ANKRD11: variants seen among roughly 807,000 people sequenced by gnomAD.
ANKRD11 encodes the protein ankyrin repeat domain-containing protein 11.
In ANKRD11, 17 loss-of-function variants were observed where a neutral mutation model predicts 195.7. The ratio of observed to expected loss-of-function variants is 0.09; its 90% CI spans 0.06 to 0.13. The LOEUF is 0.13. ANKRD11 is among the 10% of genes least tolerant of loss of function. ANKRD11 has a pLI of 1.00. For missense variants in ANKRD11, 3,735 were observed against 3,566.1 expected (o/e 1.05, Z -1.21); for synonymous variants, 1,953 against 1,528.1 (o/e 1.28, Z -6.49).
chr16:89,487,953 G>GATGA (rs148039853), intron 1 of ANKRD11, among the ~76,000 whole-genome samples: 2 of 102,570 alleles, frequency 1.9e-5, no homozygotes, highest in Non-Finnish European at 4.3e-5. Flanking sequence ...GGGAGGGTGT[G>GATGA]ATGGCACTGC....
chr16:89,311,763 G>C (rs946214743), intron 3 of ANKRD11, among the ~76,000 whole-genome samples: 1 of 152,200 alleles, frequency 6.6e-6, no homozygotes, highest in Non-Finnish European at 1.5e-5. Flanking sequence ...AGACATGGAG[G>C]CTGCTCAGAG....
chr16:89,485,740 A>C lies in ANKRD11; in HGVS notation c.-145+4505T>G, dbSNP rs536760602. ...ACATACAGAAAAAAATCAATAGGGC[A>C]CACCTCCATTTCGTTGTCTTTCCCT... On this transcript the variant is annotated intron_variant, in intron 1 of 12. Coordinates refer to ENST00000301030, the MANE Select transcript of ANKRD11 (RefSeq NM_013275.6). 8.5e-5 allele frequency among the ~76,000 whole-genome samples: 13 copies of C among 152,240 alleles called. 1 individual carries two copies. Among genetic ancestry groups the C allele is most frequent in the African/African-American group, 2.9e-4 (12 of 41,532 alleles).
chr16:89,398,843 G>A (rs535690858), intron 2 of ANKRD11, among the ~76,000 whole-genome samples: 2 of 152,236 alleles, frequency 1.3e-5, no homozygotes, highest in East Asian at 3.9e-4. Context: ...AAGCAAAGGT[G>A]CTTTCTGGCC....
intron 1 of ANKRD11, among the ~76,000 whole-genome samples, chr16:89,467,192 G>A (rs1295794570): frequency 2.0e-5 from 3 of 152,222 alleles, no homozygotes; most frequent in Admixed American, 6.5e-5. Context: ...AGAACCTGGG[G>A]AGGCCACAGC....
At chr16:89,356,922 G>T (rs1288921213) in intron 2 of ANKRD11, among the ~76,000 whole-genome samples, 1 of 152,242 alleles carries the variant, frequency 6.6e-6, no homozygotes, top group African/African-American at 2.4e-5. Flanking sequence ...GGAGTCCCAG[G>T]CATCCTGCTG....
At position 89,280,635 on chromosome 16, in the gene ANKRD11, G is replaced by A. The variant is rs779884158; in HGVS notation, c.5907C>T (p.Asn1969=). Residue 1969 remains asparagine (N), a synonymous_variant, in exon 9 of 13, where the codon AAC becomes AAT. Transcript: ENST00000301030. ...ASSLIGGTSE[N]PVSWPVGSDL... is the part of the protein sequence containing the mutation. ...CCGAGCCCACAGGCCAGCTCACAGG[G>A]TTTTCAGAGGTGCCCCCGATCAGGC... 1.2e-5 allele frequency: 19 copies of A among 1,613,404 alleles called. No individual in the cohort carries two copies. The highest frequency in any genetic ancestry group is 6.7e-5 in the Admixed American group (4 of 60,006).
chr16:89,425,740 T>C (rs2042691422), intron 1 of ANKRD11, among the ~76,000 whole-genome samples: 1 of 152,146 alleles, frequency 6.6e-6, no homozygotes, highest in South Asian at 2.1e-4. Flanking sequence ...ATTCATTTCG[T>C]TTTCTCTGAT....
At position 89,386,064 on chromosome 16, in the gene ANKRD11, C is replaced by T. The variant is rs1322663181; in HGVS notation, c.-60+32220G>A. ...CCGCAAACTGGGTCCAATTTGTCTG[C>T]AAGAGAAGCAAAGGGGATGCCAGGG... On this transcript the variant is annotated intron_variant, in intron 2 of 12. Coordinates refer to ENST00000301030, the MANE Select transcript of ANKRD11 (RefSeq NM_013275.6). Among the ~76,000 whole-genome samples the T allele has an allele frequency of 3.3e-5, 5 of 152,234 alleles. No homozygotes were observed. In the South Asian group the frequency reaches 8.3e-4, roughly 25 times the overall value.
At chr16:89,413,764 G>T (rs1483680926) in intron 2 of ANKRD11, among the ~76,000 whole-genome samples, 5 of 152,164 alleles carry the variant, frequency 3.3e-5, no homozygotes, top group Non-Finnish European at 7.4e-5. Context: ...AGAAACAGCC[G>T]ACAAGCTCCC....
At chr16:89,474,441 A>C (rs1364777741) in intron 1 of ANKRD11, among the ~76,000 whole-genome samples, 1 of 151,398 alleles carries the variant, frequency 6.6e-6, no homozygotes, top group Non-Finnish European at 1.5e-5. Flanking sequence ...ACATGGTGAG[A>C]CCCTGTCTCT....
intron 2 of ANKRD11, among the ~76,000 whole-genome samples, chr16:89,321,932 C>CGCT (rs956544271): frequency 2.0e-5 from 3 of 152,174 alleles, no homozygotes; most frequent in African/African-American, 2.4e-5. Flanking sequence ...CGTGGAGACC[C>CGCT]GCTGCTGCTG....
At position 89,306,662 on chromosome 16, in the gene ANKRD11, G is replaced by A. The variant is rs188039776; in HGVS notation, c.88-1318C>T. On this transcript the variant is annotated intron_variant, in intron 3 of 12. Transcript: ENST00000301030. ...CCGCAGACACGCACCACCTCCCACT[G>A]TGCAGACACGTGCCACCTCCCACTC... Among the ~76,000 whole-genome samples the A allele has an allele frequency of 1.4e-3, 54 of 38,690 alleles. 1 individual carries two copies. The highest frequency in any genetic ancestry group is 0.024 in the Middle Eastern group (1 of 42). The allele number at this position is 38,690 out of a possible 152,430, so 25.4% of individuals were successfully genotyped here. A position where few individuals can be genotyped will look rare whatever the true frequency, so the allele number is the denominator to read the frequency against.
At chr16:89,307,544 G>A (rs577554496) in intron 3 of ANKRD11, among the ~76,000 whole-genome samples, 58 of 152,168 alleles carry the variant, frequency 3.8e-4, no homozygotes, top group Non-Finnish European at 6.5e-4. Context: ...TGGGGAGACG[G>A]GGCCTCAGGA....
chr16:89,282,162 C>T lies in ANKRD11; in HGVS notation c.4380G>A (p.Lys1460=). The change falls in exon 9 of 13, where the codon AAG becomes AAA. Residue 1460 remains lysine, a synonymous_variant. Transcript: ENST00000301030. The part of the protein sequence containing the change: ...SSAINILKEK[K]KREKHREKWR... Reference sequence around the variant, plus strand: ...ATTTCTCCCTGTGTTTCTCTCTCTTCTTCTTCTCTTTTAGGATGTTGATGG... The same window carrying T: ...ATTTCTCCCTGTGTTTCTCTCTCTTTTTCTTCTCTTTTAGGATGTTGATGG... 5 of 1,614,110 alleles carry T rather than the reference C, an allele frequency of 3.1e-6. No individual in the cohort carries two copies. Among genetic ancestry groups the T allele is most frequent in the Non-Finnish European group, 4.2e-6 (5 of 1,180,014 alleles).
At chr16:89,355,951 G>A (rs1000339086) in intron 2 of ANKRD11, among the ~76,000 whole-genome samples, 8 of 152,180 alleles carry the variant, frequency 5.3e-5, no homozygotes, top group African/African-American at 1.9e-4. Context: ...ACTCGCCCAA[G>A]ACCACCAGAA....
At chr16:89,347,250 C>T (rs1043579965) in intron 2 of ANKRD11, among the ~76,000 whole-genome samples, 1 of 152,150 alleles carries the variant, frequency 6.6e-6, no homozygotes, top group East Asian at 1.9e-4. Context: ...GACAAGCTGA[C>T]ACATAAGCCT....
At chr16:89,489,873 G>C (rs1364160453) in intron 1 of ANKRD11, among the ~76,000 whole-genome samples, 1 of 96,406 alleles carries the variant, frequency 1.0e-5, no homozygotes, top group Non-Finnish European at 2.1e-5. Flanking sequence ...CGGCCCCTCA[G>C]AGCCGCCGCG....
intron 1 of ANKRD11, among the ~76,000 whole-genome samples, chr16:89,453,752 T>C (rs1314855632): frequency 6.6e-6 from 1 of 152,158 alleles, no homozygotes; most frequent in African/African-American, 2.4e-5. Flanking sequence ...GCCACTGACC[T>C]GTCCAAGAAG....
chr16:89,323,424 G>GAGGGCAGGGGGGCAGAGCCC (rs2037467301), intron 2 of ANKRD11: 1 of 835,440 alleles, frequency 1.2e-6, no homozygotes, highest in African/African-American at 3.0e-5. Context: ...GGGCTGAGCC[G>GAGGGCAGGGGGGCAGAGCCC]AGGGCAGGGG....
Sources: gnomAD v4.1 joint callset for allele counts (sites outside exome capture counted in the v4.1 genomes callset) on GRCh38, gnomAD v4.1.1 for gene constraint, MANE v1.5 for transcripts, NCBI Gene and HGNC (gene_info 2026-07-23, HGNC 2026-07-21) for gene names.